Variants in SV2C observed in about 807,000 individuals in gnomAD.
SV2C encodes solute carrier family 22 member B3.
SV2C carries 49 observed loss-of-function variants against 79.7 expected under a neutral mutation model. The ratio of observed to expected loss-of-function variants is 0.61; its 90% CI spans 0.49 to 0.78. The LOEUF (loss-of-function observed/expected upper bound fraction) is 0.78. SV2C is among the 30% of genes least tolerant of loss of function. SV2C has a pLI of 0.00. For synonymous variants in SV2C, 334 were observed against 333.2 expected, an observed-to-expected ratio of 1.00 and a Z score of -0.03; for missense variants, 833 against 912.9, an observed-to-expected ratio of 0.91 and a Z score of 1.13.
the SV2C span, among the ~76,000 whole-genome samples, chr5:75,991,566 GATAT>G: frequency 3.8e-4 from 54 of 140,304 alleles, no homozygotes; most frequent in Middle Eastern, 3.9e-3. Context: ...TTCTTAGCAA[GATAT>G]ATATATATAT....
At chr5:76,295,745 C>G in intron 8 of SV2C, 33 bp from the exon 9 acceptor site, 1 of 1,591,874 alleles carries the variant, frequency 6.3e-7, no homozygotes, top group Non-Finnish European at 8.5e-7. Flanking sequence ...CATGCTAGTG[C>G]CTTTACAAAC....
At chr5:76,039,495 C>A in the SV2C span, among the ~76,000 whole-genome samples, 25 of 152,266 alleles carry the variant, frequency 1.6e-4, no homozygotes, top group South Asian at 5.2e-3. Flanking sequence ...GTGGCTTACG[C>A]CTGTAATCCC....
rs1749048762 is a variant in SV2C at position 76,327,508 on chromosome 5, GT to G, written c.*1962del. The G allele has an allele frequency of 6.6e-6, 1 of 152,284 alleles. No homozygotes were observed. Among genetic ancestry groups the G allele is most frequent in the South Asian group, 2.1e-4 (1 of 4,822 alleles). 9.4% of individuals were successfully genotyped at this position (152,284 alleles called of 1,614,324 possible). On this transcript the variant is annotated 3_prime_UTR_variant, in exon 13 of 13. Transcript: ENST00000502798. ...GTCAAACAACCCAAGAAAGTACCCT[GT>G]ATGTTTTTCTTCTTCCACATGTACC...
At chr5:76,307,459 A>C (rs1399988991) in intron 12 of SV2C, among the ~76,000 whole-genome samples, 1 of 150,402 alleles carries the variant, frequency 6.6e-6, no homozygotes, top group African/African-American at 2.4e-5. Flanking sequence ...TTTTTGGAAA[A>C]CTGGCTCTTT....
At chr5:76,281,359 C>T (rs1747188461) in intron 4 of SV2C, 3 of 255,334 alleles carry the variant, frequency 1.2e-5, no homozygotes, top group South Asian at 4.3e-5. Flanking sequence ...TGTTTATTGT[C>T]TATATGCCTT....
At chr5:76,311,453 G>C (rs1748437717) in intron 12 of SV2C, 1 of 152,250 alleles carries the variant, frequency 6.6e-6, no homozygotes, top group Non-Finnish European at 1.5e-5. Context: ...ATTTGTCCTT[G>C]ATTGTGAGGC....
chr5:76,274,341 A>G (rs765392843), intron 4 of SV2C, among the ~76,000 whole-genome samples: 47 of 152,158 alleles, frequency 3.1e-4, no homozygotes, highest in Non-Finnish European at 6.5e-4. Flanking sequence ...TCAAAAAGTA[A>G]AAGTCCTCAT....
the SV2C span, among the ~76,000 whole-genome samples, chr5:75,956,437 C>G: frequency 6.6e-5 from 10 of 150,742 alleles, no homozygotes; most frequent in South Asian, 6.3e-4. Flanking sequence ...GGGAGATATA[C>G]CTAATGAGAG....
At chr5:76,006,315 T>C in the SV2C span, among the ~76,000 whole-genome samples, 16 of 152,168 alleles carry the variant, frequency 1.1e-4, no homozygotes, top group Non-Finnish European at 2.1e-4. Flanking sequence ...TGAATTTCCG[T>C]GGTCTCTTTT....
At chr5:75,921,369 G>A in the SV2C span, 1 of 921,296 alleles carries the variant, frequency 1.1e-6, no homozygotes, top group Middle Eastern at 2.1e-4. Flanking sequence ...TTTGGGGGGT[G>A]CTGGTAGGTG....
the SV2C span, among the ~76,000 whole-genome samples, chr5:75,850,603 G>A: frequency 6.6e-6 from 1 of 151,280 alleles, no homozygotes; most frequent in African/African-American, 2.4e-5. Flanking sequence ...AAAACTGCAC[G>A]TTGTGGACAT....
chr5:76,094,609 C>T (rs1747487940), intron 1 of SV2C, among the ~76,000 whole-genome samples: 1 of 152,066 alleles, frequency 6.6e-6, no homozygotes, highest in African/African-American at 2.4e-5. Context: ...GAGCTATTAT[C>T]AATAAAGTAT....
At chr5:76,296,423 G>A (rs1747766431) in intron 9 of SV2C, among the ~76,000 whole-genome samples, 1 of 152,180 alleles carries the variant, frequency 6.6e-6, no homozygotes, top group South Asian at 2.1e-4. Context: ...ATCAGGAAGA[G>A]TTTCAATTAG....
At chr5:76,091,167 T>C (rs1027589471) in intron 1 of SV2C, among the ~76,000 whole-genome samples, 1 of 152,220 alleles carries the variant, frequency 6.6e-6, no homozygotes, top group Admixed American at 6.5e-5. Flanking sequence ...ACTAGCTGCA[T>C]TGAACACAAA....
intron 1 of SV2C, among the ~76,000 whole-genome samples, chr5:76,084,812 C>T (rs907485985): frequency 6.7e-6 from 1 of 149,290 alleles, no homozygotes; most frequent in Non-Finnish European, 1.5e-5. Flanking sequence ...AGCGGCGACC[C>T]GGCGGGGCAG....
chr5:76,044,741 C>T, the SV2C span, among the ~76,000 whole-genome samples: 20 of 152,196 alleles, frequency 1.3e-4, no homozygotes, highest in African/African-American at 4.6e-4. Context: ...GTCCTTTGCC[C>T]CCTTTTTAAT....
the SV2C span, among the ~76,000 whole-genome samples, chr5:76,034,599 C>A: frequency 6.6e-6 from 1 of 152,068 alleles, no homozygotes; most frequent in African/African-American, 2.4e-5. Context: ...GGGATGAAGC[C>A]CACTTGATCA....
chr5:76,314,128 TCTTC>T (rs1269464785), intron 12 of SV2C, among the ~76,000 whole-genome samples: 1 of 152,262 alleles, frequency 6.6e-6, no homozygotes, highest in African/African-American at 2.4e-5. Flanking sequence ...CAAGACATTG[TCTTC>T]CTTATTTACT....
At chr5:75,876,770 T>A in the SV2C span, among the ~76,000 whole-genome samples, 90 of 152,188 alleles carry the variant, frequency 5.9e-4, no homozygotes, top group African/African-American at 2.0e-3. Context: ...TCTGATAAGA[T>A]GTGTATGGCA....
Sources: allele counts gnomAD v4.1 joint callset (sites outside exome capture counted in the v4.1 genomes callset), GRCh38; gene constraint gnomAD v4.1.1; transcripts MANE v1.5; gene names NCBI Gene and HGNC (gene_info 2026-07-23, HGNC 2026-07-21).